CA10: variants seen among roughly 807,000 people sequenced by gnomAD.
The protein encoded by CA10 is carbonic anhydrase-related protein 10.
CA10 carries 14 observed loss-of-function variants against 44.2 expected under a neutral mutation model. That is an observed-to-expected ratio of 0.32 (90% CI 0.21 to 0.50). CA10 has a LOEUF of 0.50. Among genes scored for constraint, CA10 ranks in the 20% least tolerant of loss-of-function variants. The pLI is 0.99. For missense variants in CA10, 350 were observed against 409.7 expected, an observed-to-expected ratio of 0.85 and a Z score of 1.26; for synonymous variants, 159 against 141.6, an observed-to-expected ratio of 1.12 and a Z score of -0.87.
At chr17:51,929,710 C>T (rs1294817658) in intron 3 of CA10, among the ~76,000 whole-genome samples, 1 of 151,920 alleles carries the variant, frequency 6.6e-6, no homozygotes, top group Non-Finnish European at 1.5e-5. Context: ...AATAATTCAC[C>T]TTTTTAAAGA....
At chr17:51,909,079 C>T (rs1398838999) in intron 3 of CA10, among the ~76,000 whole-genome samples, 3 of 152,240 alleles carry the variant, frequency 2.0e-5, no homozygotes, top group African/African-American at 2.4e-5. Context: ...CATGCTCCAG[C>T]GCACATGATA....
intron 1 of CA10, among the ~76,000 whole-genome samples, chr17:52,094,400 C>A (rs905677977): frequency 4.6e-5 from 7 of 151,628 alleles, no homozygotes; most frequent in Non-Finnish European, 7.4e-5. Flanking sequence ...AATGTATCGT[C>A]AGGAAACTGG....
chr17:51,701,250 CCT>C (rs1343304172), intron 4 of CA10, among the ~76,000 whole-genome samples: 2 of 152,096 alleles, frequency 1.3e-5, no homozygotes, highest in Non-Finnish European at 2.9e-5. Context: ...CCGGCCTCTG[CCT>C]CTGTTTTCAC....
In CA10 at chr17:51,963,638, C is replaced by A. The variant is rs1424058556; in HGVS notation, c.137-32506G>T. Among the ~76,000 whole-genome samples, 3 of 152,196 alleles carry A rather than the reference C, an allele frequency of 2.0e-5. No homozygotes were observed. The East Asian group carries it at 5.8e-4, about 29-fold the overall frequency. ...TAGCACTTTTAAAGAAAAGAAATTC[C>A]AACCAAGAATTCACAACTTGTGAAA... On this transcript the variant is annotated intron_variant, in intron 2 of 8. Coordinates refer to ENST00000451037, the MANE Select transcript of CA10 (RefSeq NM_020178.5).
intron 3 of CA10, among the ~76,000 whole-genome samples, chr17:51,820,545 T>C (rs1020165168): frequency 2.0e-5 from 3 of 151,896 alleles, no homozygotes; most frequent in Non-Finnish European, 2.9e-5. Flanking sequence ...CACAAACCCA[T>C]TTCCTGTATT....
intron 3 of CA10, among the ~76,000 whole-genome samples, chr17:51,785,563 G>C (rs1906237676): frequency 6.6e-6 from 1 of 152,132 alleles, no homozygotes; most frequent in Non-Finnish European, 1.5e-5. Context: ...CTGGTACACT[G>C]TTGGGAATGT....
intron 4 of CA10, among the ~76,000 whole-genome samples, chr17:51,704,330 G>A (rs1915694390): frequency 6.6e-6 from 1 of 152,192 alleles, no homozygotes; most frequent in African/African-American, 2.4e-5. Context: ...TCATGTAAAA[G>A]CACACAATTG....
chr17:51,640,879 T>TACCA (rs1184947342), intron 6 of CA10, among the ~76,000 whole-genome samples: 4 of 152,258 alleles, frequency 2.6e-5, no homozygotes, highest in Admixed American at 6.5e-5. Flanking sequence ...AGGACCAATA[T>TACCA]ACCAGAAGGG....
intron 4 of CA10, among the ~76,000 whole-genome samples, chr17:51,745,623 T>C (rs1477917333): frequency 1.3e-5 from 2 of 152,220 alleles, no homozygotes; most frequent in Non-Finnish European, 2.9e-5. Context: ...TTGGAAGCAC[T>C]CATTTACTCT....
intron 3 of CA10, among the ~76,000 whole-genome samples, chr17:51,817,084 C>CT (rs1402684749): frequency 6.6e-6 from 1 of 152,234 alleles, no homozygotes; most frequent in Non-Finnish European, 1.5e-5. Context: ...TGAGCTTTGG[C>CT]TTCCAAACTT....
Position 51,633,472 on chromosome 17 carries a change from C to G in CA10, c.964+4G>C. ...TCCTCCACTCTCTGAGCCACCAAAC[C>G]CACCTCTATACTGAAGCTTCTGGGC... On this transcript the variant is annotated splice_donor_region_variant and intron_variant, in intron 8 of 8. Coordinates refer to ENST00000451037, the MANE Select transcript of CA10 (RefSeq NM_020178.5). The G allele has an allele frequency of 6.2e-7, 1 of 1,609,602 alleles. No homozygotes were observed. The highest frequency in any genetic ancestry group is 8.5e-7 in the Non-Finnish European group (1 of 1,177,242).
intron 1 of CA10, among the ~76,000 whole-genome samples, chr17:52,128,202 T>C (rs1989160884): frequency 6.6e-6 from 1 of 152,210 alleles, no homozygotes; most frequent in Non-Finnish European, 1.5e-5. Context: ...TCTGCCTCCC[T>C]TGCATCAGGC....
intron 4 of CA10, among the ~76,000 whole-genome samples, chr17:51,704,013 T>G (rs1157692009): frequency 6.6e-6 from 1 of 152,194 alleles, no homozygotes; most frequent in Non-Finnish European, 1.5e-5. Flanking sequence ...AGAAAGGTTA[T>G]GAAGTATGGT....
intron 1 of CA10, among the ~76,000 whole-genome samples, chr17:52,084,270 C>T (rs1489863696): frequency 6.6e-6 from 1 of 152,142 alleles, no homozygotes; most frequent in East Asian, 1.9e-4. Flanking sequence ...GACATAAAGC[C>T]ACATGCAAAC....
chr17:51,828,769 T>C (rs1292700402), intron 3 of CA10, among the ~76,000 whole-genome samples: 2 of 152,236 alleles, frequency 1.3e-5, no homozygotes, highest in Admixed American at 1.3e-4. Context: ...GCTAAATGCA[T>C]TTTGTTCATG....
intron 3 of CA10, among the ~76,000 whole-genome samples, chr17:51,913,503 T>C (rs746508758): frequency 6.6e-6 from 1 of 152,190 alleles, no homozygotes; most frequent in Non-Finnish European, 1.5e-5. Flanking sequence ...TGCCATCTTC[T>C]GGGAAACTCG....
chr17:52,093,668 TATAA>T (rs1988327925), intron 1 of CA10, among the ~76,000 whole-genome samples: 1 of 152,156 alleles, frequency 6.6e-6, no homozygotes, highest in Non-Finnish European at 1.5e-5. Flanking sequence ...AAGATGCTAG[TATAA>T]ATAAATGTTT....
intron 1 of CA10, among the ~76,000 whole-genome samples, chr17:52,079,056 G>C (rs561659097): frequency 2.2e-3 from 338 of 152,298 alleles, no homozygotes; most frequent in African/African-American, 7.5e-3. Context: ...GGAGGCCGGG[G>C]CACGCGGATC....
chr17:51,722,785 A>G (rs1407100322), intron 4 of CA10, among the ~76,000 whole-genome samples: 1 of 152,230 alleles, frequency 6.6e-6, no homozygotes, highest in Non-Finnish European at 1.5e-5. Flanking sequence ...TTGGGAGATC[A>G]TGTGGCAAAA....
Sources: allele counts gnomAD v4.1 joint callset (sites outside exome capture counted in the v4.1 genomes callset), GRCh38; gene constraint gnomAD v4.1.1; transcripts MANE v1.5; gene names NCBI Gene and HGNC (gene_info 2026-07-23, HGNC 2026-07-21).